MSRA: variants seen among roughly 807,000 people sequenced by gnomAD.
MSRA encodes methionine sulfoxide reductase A.
In MSRA, 54 loss-of-function variants were observed where a neutral mutation model predicts 31.3. The ratio of observed to expected loss-of-function variants is 1.73; its 90% CI spans 1.39 to 2.17. MSRA has a LOEUF of 2.17. Ranked by LOEUF, MSRA falls within the 30% of genes most tolerant of loss-of-function variation. The pLI is 0.00. For missense variants in MSRA, 507 were observed against 300.9 expected (o/e 1.69, Z -5.07); for synonymous variants, 169 against 116.5 (o/e 1.45, Z -2.90).
intron 1 of MSRA, among the ~76,000 whole-genome samples, chr8:10,141,919 A>G (rs761614305): frequency 2.0e-5 from 3 of 152,142 alleles, no homozygotes; most frequent in Non-Finnish European, 2.9e-5. Flanking sequence ...GAGATTTAGC[A>G]GTTGTTTAAC....
chr8:10,129,955 C>A (rs531174722), intron 1 of MSRA, among the ~76,000 whole-genome samples: 1 of 152,148 alleles, frequency 6.6e-6, no homozygotes, highest in African/African-American at 2.4e-5. Flanking sequence ...ATAGAAGCAA[C>A]TTGGATATTA....
intron 1 of MSRA, among the ~76,000 whole-genome samples, chr8:10,066,552 A>T (rs781605945): frequency 6.6e-6 from 1 of 151,932 alleles, no homozygotes; most frequent in East Asian, 1.9e-4. Flanking sequence ...TCTTTTTTTG[A>T]GACGGAGTTT....
chr8:10,341,775 G>T (rs778592995), intron 5 of MSRA, among the ~76,000 whole-genome samples: 1 of 152,166 alleles, frequency 6.6e-6, no homozygotes, highest in Non-Finnish European at 1.5e-5. Flanking sequence ...CCAAGCTCCC[G>T]ACTCGCAATG....
chr8:10,140,871 C>T (rs1388352238), intron 1 of MSRA, among the ~76,000 whole-genome samples: 1 of 151,956 alleles, frequency 6.6e-6, no homozygotes, highest in Admixed American at 6.6e-5. Context: ...AGAAAGATCA[C>T]AGACACAGAC....
intron 1 of MSRA, among the ~76,000 whole-genome samples, chr8:10,206,201 G>A (rs141926309): frequency 2.6e-5 from 4 of 152,250 alleles, no homozygotes; most frequent in East Asian, 1.9e-4. Context: ...ATCTCCACAC[G>A]GAAGCTCAGC....
chr8:10,194,837 G>A lies in MSRA; in HGVS notation c.143-12996G>A, dbSNP rs560537266. On this transcript the variant is annotated intron_variant, in intron 1 of 5. Coordinates refer to ENST00000317173, the MANE Select transcript of MSRA (RefSeq NM_012331.5). ...ACATCCCAGCCTGGCCCTCAGCCCTGGGAAGAGACTCCTGGGCTTCCAGGT... is the reference window on the plus strand; with the variant it reads ...ACATCCCAGCCTGGCCCTCAGCCCTAGGAAGAGACTCCTGGGCTTCCAGGT... Among the ~76,000 whole-genome samples the A allele has an allele frequency of 7.5e-4, 114 of 152,296 alleles. 1 individual carries two copies. The highest frequency in any genetic ancestry group is 2.4e-3 in the African/African-American group (99 of 41,570).
chr8:10,138,613 C>T (rs971171072), intron 1 of MSRA, among the ~76,000 whole-genome samples: 1 of 152,084 alleles, frequency 6.6e-6, no homozygotes, highest in African/African-American at 2.4e-5. Flanking sequence ...TCCTATTTTC[C>T]CATGGGACTA....
In MSRA at chr8:10,385,404, T is replaced by C. The variant is rs369008096; in HGVS notation, c.544-42744T>C. The stretch of plus-strand genomic sequence containing the variant: ...AGGAGAGAGTTCAAAGGAATCTGAG[T>C]AGAGTTTAGTCAAAGTGAGACTCTG... On this transcript the variant is annotated intron_variant, in intron 5 of 5. Transcript: ENST00000317173. 1.7e-4 allele frequency among the ~76,000 whole-genome samples: 26 copies of C among 152,262 alleles called. No individual in the cohort carries two copies. In the South Asian group the frequency reaches 5.4e-3, roughly 32 times the overall value.
chr8:10,234,330 G>C (rs1811756472), intron 2 of MSRA, among the ~76,000 whole-genome samples: 1 of 152,158 alleles, frequency 6.6e-6, no homozygotes. Flanking sequence ...TAATGAGATA[G>C]AGATTGTTCA....
chr8:10,056,198 CA>C (rs35457688), intron 1 of MSRA, among the ~76,000 whole-genome samples: 14 of 91,012 alleles, frequency 1.5e-4, no homozygotes, highest in South Asian at 9.1e-4. Flanking sequence ...TCCCATACAC[CA>C]AAAAAAAAAA....
chr8:10,190,761 T>C (rs950752220), intron 1 of MSRA, among the ~76,000 whole-genome samples: 1 of 152,244 alleles, frequency 6.6e-6, no homozygotes, highest in Non-Finnish European at 1.5e-5. Flanking sequence ...TTGAGACTTC[T>C]GTGACCTATG....
chr8:10,160,899 C>T (rs1804580108), intron 1 of MSRA, among the ~76,000 whole-genome samples: 1 of 152,196 alleles, frequency 6.6e-6, no homozygotes, highest in African/African-American at 2.4e-5. Flanking sequence ...TATAAATTTA[C>T]TTATGTTCTA....
chr8:10,310,505 T>C (rs1478726266), intron 4 of MSRA, among the ~76,000 whole-genome samples: 1 of 152,260 alleles, frequency 6.6e-6, no homozygotes, highest in Non-Finnish European at 1.5e-5. Flanking sequence ...ATTTTTCCTT[T>C]GCCTTTCTAG....
intron 5 of MSRA, among the ~76,000 whole-genome samples, chr8:10,425,953 A>G (rs1368543079): frequency 2.6e-5 from 4 of 152,168 alleles, no homozygotes; most frequent in Admixed American, 2.6e-4. Flanking sequence ...TCTCTTCTCC[A>G]AACTCTCTGG....
At chr8:10,276,240 G>A (rs1799315400) in intron 3 of MSRA, among the ~76,000 whole-genome samples, 1 of 152,208 alleles carries the variant, frequency 6.6e-6, no homozygotes, top group Admixed American at 6.5e-5. Context: ...GCAGCTGTTT[G>A]GGGCTCAGTG....
At chr8:10,331,919 GA>G (rs1802725002) in intron 5 of MSRA, among the ~76,000 whole-genome samples, 1 of 152,028 alleles carries the variant, frequency 6.6e-6, no homozygotes, top group Non-Finnish European at 1.5e-5. Context: ...TCTGTGGTTG[GA>G]TGAATCCAAG....
At chr8:10,087,087 C>G (rs888006943) in intron 1 of MSRA, among the ~76,000 whole-genome samples, 1 of 152,110 alleles carries the variant, frequency 6.6e-6, no homozygotes, top group Non-Finnish European at 1.5e-5. Flanking sequence ...AGAATTGTCA[C>G]GTGTAAAGCA....
intron 1 of MSRA, among the ~76,000 whole-genome samples, chr8:10,120,550 G>A (rs10503402): frequency 2.6e-5 from 4 of 152,132 alleles, no homozygotes; most frequent in Non-Finnish European, 4.4e-5. Context: ...GTTACCTCAC[G>A]TCAATTCAGT....
chr8:10,147,469 G>A (rs934276925), intron 1 of MSRA, among the ~76,000 whole-genome samples: 2 of 152,178 alleles, frequency 1.3e-5, no homozygotes, highest in Admixed American at 1.3e-4. Flanking sequence ...CCCAAGGCGT[G>A]TGGTCCAGGA....
Sources: gnomAD v4.1 joint callset for allele counts (sites outside exome capture counted in the v4.1 genomes callset) on GRCh38, gnomAD v4.1.1 for gene constraint, MANE v1.5 for transcripts, NCBI Gene and HGNC (gene_info 2026-07-23, HGNC 2026-07-21) for gene names.